SGCD: variants seen among roughly 807,000 people sequenced by gnomAD.
The protein encoded by SGCD is sarcoglycan delta.
In SGCD, 18 loss-of-function variants were observed where a neutral mutation model predicts 36.6. The ratio of observed to expected loss-of-function variants is 0.49; its 90% confidence interval spans 0.34 to 0.73. The LOEUF (loss-of-function observed/expected upper bound fraction) is 0.73. SGCD is among the 30% of genes least tolerant of loss of function. The pLI is 0.01. For missense variants in SGCD, 387 were observed against 346.7 expected (o/e 1.12, Z -0.92); for synonymous variants, 133 against 130.6 (o/e 1.02, Z -0.12).
intron 1 of SGCD, among the ~76,000 whole-genome samples, chr5:155,949,300 C>T (rs910396804): frequency 6.6e-5 from 10 of 152,286 alleles, no homozygotes; most frequent in African/African-American, 2.4e-4. Flanking sequence ...TATTAATATA[C>T]ATAGCCTAGT....
At chr5:156,753,666 A>G (rs1209282313) in intron 7 of SGCD, among the ~76,000 whole-genome samples, 1 of 152,220 alleles carries the variant, frequency 6.6e-6, no homozygotes, top group African/African-American at 2.4e-5. Flanking sequence ...GTTAAGGGGA[A>G]GCAAGGAACC....
chr5:156,115,744 AT>A (rs1761892620), intron 1 of SGCD, among the ~76,000 whole-genome samples: 1 of 151,906 alleles, frequency 6.6e-6, no homozygotes, highest in Admixed American at 6.6e-5. Context: ...TTTTCTTGTA[AT>A]TTATACATGG....
chr5:155,841,075 G>A, the SGCD span, among the ~76,000 whole-genome samples: 242 of 145,804 alleles, frequency 1.7e-3, 1 homozygote, highest in African/African-American at 5.9e-3. Context: ...TGCTACTTGG[G>A]CATTGTTTCT....
At chr5:156,354,580 T>G (rs1046270589) in intron 3 of SGCD, among the ~76,000 whole-genome samples, 1 of 152,224 alleles carries the variant, frequency 6.6e-6, no homozygotes, top group Non-Finnish European at 1.5e-5. Context: ...TATTTTTATG[T>G]CCTAGAATTG....
intron 7 of SGCD, among the ~76,000 whole-genome samples, chr5:156,679,104 A>T (rs1481326096): frequency 6.6e-6 from 1 of 152,156 alleles, no homozygotes; most frequent in Non-Finnish European, 1.5e-5. Flanking sequence ...TATTACTTGG[A>T]TGTCAGCTGA....
chr5:155,846,403 C>T, the SGCD span, among the ~76,000 whole-genome samples: 1 of 152,146 alleles, frequency 6.6e-6, no homozygotes, highest in African/African-American at 2.4e-5. Flanking sequence ...TCTCAAATGA[C>T]AGACACTTTT....
intron 3 of SGCD, among the ~76,000 whole-genome samples, chr5:156,183,004 G>A (rs1200556672): frequency 6.6e-6 from 1 of 152,142 alleles, no homozygotes; most frequent in Non-Finnish European, 1.5e-5. Context: ...TATAGGCCAG[G>A]CATGGTGGCT....
At chr5:156,320,108 T>TGTG (rs796079605) in intron 3 of SGCD, among the ~76,000 whole-genome samples, 8 of 151,556 alleles carry the variant, frequency 5.3e-5, no homozygotes, top group African/African-American at 1.9e-4. Context: ...TGTGTGTGTG[T>TGTG]GTGTGTGTGT....
intron 6 of SGCD, among the ~76,000 whole-genome samples, chr5:156,607,694 T>C (rs1315447517): frequency 2.7e-5 from 2 of 72,748 alleles, no homozygotes; most frequent in African/African-American, 1.2e-4. Flanking sequence ...TTTTGTTTGG[T>C]AGGCTATTAA....
intron 3 of SGCD, among the ~76,000 whole-genome samples, chr5:156,484,163 A>G (rs927053680): frequency 2.6e-5 from 4 of 152,256 alleles, no homozygotes; most frequent in African/African-American, 7.2e-5. Flanking sequence ...CGACATTGTC[A>G]TTAAAGAAAA....
At chr5:156,735,761 C>T (rs926771796) in intron 7 of SGCD, among the ~76,000 whole-genome samples, 23 of 152,166 alleles carry the variant, frequency 1.5e-4, no homozygotes, top group Admixed American at 1.4e-3. Context: ...TGGATTCAGC[C>T]ACTTTCCTAG....
intron 3 of SGCD, among the ~76,000 whole-genome samples, chr5:156,403,100 C>T (rs1580935456): frequency 6.6e-6 from 1 of 152,086 alleles, no homozygotes; most frequent in African/African-American, 2.4e-5. Flanking sequence ...GGCCACATTG[C>T]GGCCCCAGGT....
intron 6 of SGCD, among the ~76,000 whole-genome samples, chr5:156,638,213 T>A (rs975874268): frequency 2.5e-4 from 38 of 152,116 alleles, no homozygotes; most frequent in Admixed American, 2.5e-3. Flanking sequence ...ACTTGAGAAC[T>A]GAAATCTCCA....
chr5:156,229,025 G>A (rs1764927817), intron 3 of SGCD, among the ~76,000 whole-genome samples: 1 of 151,638 alleles, frequency 6.6e-6, no homozygotes, highest in South Asian at 2.1e-4. Flanking sequence ...ATATAAGCAG[G>A]CAGAATAAAA....
intron 1 of SGCD, among the ~76,000 whole-genome samples, chr5:155,873,212 CTT>C (rs774833877): frequency 2.0e-5 from 3 of 152,092 alleles, no homozygotes; most frequent in African/African-American, 7.2e-5. Flanking sequence ...TCCAGCATGA[CTT>C]TAGTTAGCCA....
At chr5:156,421,456 G>A (rs1327327921) in intron 3 of SGCD, among the ~76,000 whole-genome samples, 3 of 152,064 alleles carry the variant, frequency 2.0e-5, no homozygotes, top group Non-Finnish European at 2.9e-5. Context: ...GATGCAAACA[G>A]GCAATGACTT....
At chr5:155,946,959 T>C (rs1207401591) in intron 1 of SGCD, among the ~76,000 whole-genome samples, 1 of 152,194 alleles carries the variant, frequency 6.6e-6, no homozygotes, top group Non-Finnish European at 1.5e-5. Flanking sequence ...TCATAGAACC[T>C]GGCAGGAAAG....
At chr5:155,747,291 G>C in the SGCD span, among the ~76,000 whole-genome samples, 1 of 152,190 alleles carries the variant, frequency 6.6e-6, no homozygotes, top group Non-Finnish European at 1.5e-5. Flanking sequence ...GGGGTTCAGG[G>C]ATGGCTTGAC....
intron 3 of SGCD, among the ~76,000 whole-genome samples, chr5:156,248,622 G>A (rs905339514): frequency 7.9e-5 from 12 of 152,124 alleles, no homozygotes; most frequent in South Asian, 4.1e-4. Flanking sequence ...CATGCTGGGC[G>A]CTGGGCTTCG....
Sources: allele counts gnomAD v4.1 joint callset (sites outside exome capture counted in the v4.1 genomes callset), GRCh38; gene constraint gnomAD v4.1.1; transcripts MANE v1.5; gene names NCBI Gene and HGNC (gene_info 2026-07-23, HGNC 2026-07-21).